The following AGBL1 variants were observed in gnomAD, a reference collection of about 807,000 sequenced individuals.
AGBL1 encodes cytosolic carboxypeptidase 4.
A neutral mutation model predicts 118.9 loss-of-function variants in AGBL1; 130 were observed. The ratio of observed to expected loss-of-function variants is 1.09; its 90% CI spans 0.95 to 1.26. AGBL1 has a LOEUF of 1.26. Among genes scored for constraint, AGBL1 ranks in the 50% most tolerant of loss-of-function variants. The probability of loss-of-function intolerance (pLI) is 0.00; values close to 1 mark genes in which losing one functional copy is unlikely to be tolerated. For missense variants in AGBL1, 1,584 were observed against 1,298.1 expected (o/e 1.22, Z -3.38); for synonymous variants, 555 against 478.9 (o/e 1.16, Z -2.08).
intron 22 of AGBL1, among the ~76,000 whole-genome samples, chr15:86,812,446 T>C (rs1021684425): frequency 1.3e-5 from 2 of 152,228 alleles, no homozygotes; most frequent in African/African-American, 4.8e-5. Context: ...AATTCACCTA[T>C]GGAGTTCTTA....
chr15:86,952,508 C>G (rs1051764321), intron 23 of AGBL1, among the ~76,000 whole-genome samples: 2 of 151,912 alleles, frequency 1.3e-5, no homozygotes, highest in Non-Finnish European at 2.9e-5. Context: ...AAATTTGTAT[C>G]CTTTGCCCAT....
intron 22 of AGBL1, among the ~76,000 whole-genome samples, chr15:86,807,099 C>T (rs1258875347): frequency 6.6e-6 from 1 of 152,126 alleles, no homozygotes; most frequent in East Asian, 1.9e-4. Flanking sequence ...TGACAAACCT[C>T]CCTAAGTCCA....
chr15:86,808,625 TTCC>T (rs201153150), intron 22 of AGBL1, among the ~76,000 whole-genome samples: 2 of 145,842 alleles, frequency 1.4e-5, no homozygotes, highest in African/African-American at 5.1e-5. Context: ...TTCCCTTTCT[TTCC>T]TCCTTCCTTT....
At chr15:86,733,601 G>A (rs2077556320) in intron 22 of AGBL1, among the ~76,000 whole-genome samples, 1 of 151,988 alleles carries the variant, frequency 6.6e-6, no homozygotes, top group Admixed American at 6.6e-5. Context: ...CCAGTGGTTT[G>A]TTGTTGTTGT....
chr15:86,098,867 T>C (rs1421418921), intron 1 of AGBL1, among the ~76,000 whole-genome samples: 1 of 152,158 alleles, frequency 6.6e-6, no homozygotes, highest in Non-Finnish European at 1.5e-5. Flanking sequence ...GGTATTTTGA[T>C]GAGGATTGGA....
chr15:86,548,148 T>C (rs995206084), intron 20 of AGBL1, among the ~76,000 whole-genome samples: 2 of 152,176 alleles, frequency 1.3e-5, no homozygotes, highest in African/African-American at 2.4e-5. Context: ...CTTGGTAAGA[T>C]AGGTTAATGT....
chr15:86,916,658 C>A (rs2080428522), downstream of AGBL1, among the ~76,000 whole-genome samples: 1 of 152,194 alleles, frequency 6.6e-6, no homozygotes, highest in Admixed American at 6.5e-5. Context: ...CTGACCCTTT[C>A]CTCTGGGTCT....
intron 23 of AGBL1, among the ~76,000 whole-genome samples, chr15:86,934,373 G>C (rs973515630): frequency 6.6e-6 from 1 of 152,124 alleles, no homozygotes; most frequent in Non-Finnish European, 1.5e-5. Flanking sequence ...ATAAGTCTTT[G>C]GGATCATCCA....
chr15:86,253,880 C>T (rs1434446122), intron 7 of AGBL1, among the ~76,000 whole-genome samples: 1 of 152,080 alleles, frequency 6.6e-6, no homozygotes, highest in African/African-American at 2.4e-5. Flanking sequence ...AAAATTGAAA[C>T]TCTATACCCA....
intron 24 of AGBL1, among the ~76,000 whole-genome samples, chr15:87,024,382 A>C (rs2081702665): frequency 6.6e-6 from 1 of 152,082 alleles, no homozygotes; most frequent in African/African-American, 2.4e-5. Flanking sequence ...ACCTAGAAGA[A>C]ATGGATAAAC....
chr15:86,635,150 TTTC>T (rs1177905337), intron 21 of AGBL1, among the ~76,000 whole-genome samples: 7 of 152,054 alleles, frequency 4.6e-5, no homozygotes, highest in Admixed American at 1.3e-4. Flanking sequence ...TCCTTCATAT[TTTC>T]TTCTTTTAAG....
At chr15:86,795,594 T>TC in intron 22 of AGBL1, among the ~76,000 whole-genome samples, 1 of 150,936 alleles carries the variant, frequency 6.6e-6, no homozygotes, top group African/African-American at 2.4e-5. Context: ...TTGATTTTTT[T>TC]TTTTTTTGAG....
intron 23 of AGBL1, among the ~76,000 whole-genome samples, chr15:86,954,758 C>T (rs2080913840): frequency 6.6e-6 from 1 of 152,120 alleles, no homozygotes; most frequent in East Asian, 1.9e-4. Context: ...TGCAATACAC[C>T]CATGTAACAA....
At chr15:86,155,338 T>G (rs2141693807) in intron 4 of AGBL1, among the ~76,000 whole-genome samples, 1 of 152,168 alleles carries the variant, frequency 6.6e-6, no homozygotes, top group Admixed American at 6.5e-5. Context: ...TAGTCCCAGC[T>G]ACTTGGAAGG....
At chr15:86,396,849 G>A (rs1045727168) in intron 17 of AGBL1, among the ~76,000 whole-genome samples, 3 of 152,162 alleles carry the variant, frequency 2.0e-5, no homozygotes, top group Admixed American at 1.3e-4. Context: ...AGTGAGAGAT[G>A]AAGATAATCA....
chr15:86,498,201 A>C (rs890326151), intron 18 of AGBL1, among the ~76,000 whole-genome samples: 3 of 151,856 alleles, frequency 2.0e-5, no homozygotes, highest in Non-Finnish European at 4.4e-5. Flanking sequence ...TCCTCTTTAT[A>C]ATTGACCCCC....
chr15:86,791,125 G>A (rs1230752191), intron 22 of AGBL1, among the ~76,000 whole-genome samples: 2 of 152,120 alleles, frequency 1.3e-5, no homozygotes, highest in East Asian at 1.9e-4. Flanking sequence ...GAAAACACAC[G>A]AACGTAAAAT....
In AGBL1 at chr15:86,142,005, G is replaced by A. The variant is rs1345507179; in HGVS notation, c.53G>A (p.Ser18Asn). The A allele has an allele frequency of 1.9e-6, 3 of 1,549,830 alleles. No individual in the cohort carries two copies. The highest frequency in any genetic ancestry group is 2.0e-5 in the Admixed American group (1 of 50,930). ...TGGCTGCCTGTGTTCTCATTGCAGA[G>A]CTCCTCTGACAAGGAGTCCATCCTG... ...GLQVLLHTLQ[S>N]SSDKESILTI... Residue 18 changes from serine to asparagine, a missense_variant and splice_region_variant, in exon 2 of 23, where the codon AGC becomes AAC. By Grantham distance (46) the Ser-to-Asn change is conservative. Transcript: ENST00000614907.
At chr15:86,532,033 C>T (rs1425651401) in intron 19 of AGBL1, among the ~76,000 whole-genome samples, 2 of 151,628 alleles carry the variant, frequency 1.3e-5, no homozygotes, top group African/African-American at 4.8e-5. Context: ...GGAAGCATTC[C>T]CTTTGAAAAC....
Sources: gnomAD v4.1 joint callset for allele counts (sites outside exome capture counted in the v4.1 genomes callset) on GRCh38, gnomAD v4.1.1 for gene constraint, MANE v1.5 for transcripts, NCBI Gene and HGNC (gene_info 2026-07-23, HGNC 2026-07-21) for gene names.